Variants in PRRC2C observed in about 807,000 individuals in gnomAD.
PRRC2C encodes proline rich coiled-coil 2C, also known as protein PRRC2C.
PRRC2C carries 72 observed loss-of-function variants against 317.2 expected under a neutral mutation model. The ratio of observed to expected loss-of-function variants is 0.23; its 90% CI spans 0.19 to 0.28. The LOEUF is 0.28. Among genes scored for constraint, PRRC2C ranks in the 10% least tolerant of loss-of-function variants. PRRC2C has a pLI of 1.00. For missense variants in PRRC2C, 3,074 were observed against 3,459.7 expected (o/e 0.89, Z 2.80); for synonymous variants, 1,296 against 1,205.9 (o/e 1.07, Z -1.55).
chr1:171,541,224 T>A lies in PRRC2C; in HGVS notation c.3758T>A (p.Phe1253Tyr), dbSNP rs200029801. The A allele has an allele frequency of 7.1e-5, 114 of 1,613,296 alleles. No individual in the cohort carries two copies. Among genetic ancestry groups the A allele is most frequent in the Non-Finnish European group, 8.5e-7 (1 of 1,179,770 alleles). The change falls in exon 16 of 35, where the codon TTT (phenylalanine) becomes TAT (tyrosine). Residue 1253 changes from phenylalanine to tyrosine, a missense_variant. Phe to Tyr is a conservative substitution (Grantham distance 22, BLOSUM62 3). This residue lies in a region of PRRC2C where 1,320 missense variants were observed against 1,395.7 expected (regional missense o/e 0.95). Transcript: ENST00000647382. This position sits in a 1 kb window ranked among gnomAD's most constrained non-coding sequence, Gnocchi z 4.1. Reference sequence around the variant, plus strand: ...GAAACACGGAGTGAGAGCTCTGATTTTGAAGTTGTCCCCAAAAGAAGACGA... The same window carrying A: ...GAAACACGGAGTGAGAGCTCTGATTATGAAGTTGTCCCCAAAAGAAGACGA... The part of the protein sequence containing the change: ...ESETRSESSD[F>Y]EVVPKRRRQR...
Position 171,557,241 on chromosome 1 carries a change from T to C in PRRC2C, c.5129T>C (p.Val1710Ala). The change falls in exon 19 of 35, where the codon GTC becomes GCC. Residue 1710 changes from valine to alanine, a missense_variant and splice_region_variant. Coordinates refer to ENST00000647382, the MANE Select transcript of PRRC2C (RefSeq NM_001387844.1). ...RRKKEEQVIQ[V>A]WNKKNANEKG... ...AATGGTCCCCGTTAATTTTTTAAGG[T>C]CTGGAACAAAAAGAATGCAAATGAA... 6.5e-7 allele frequency: 1 copy of C among 1,542,786 alleles called. No individual in the cohort carries two copies. Among genetic ancestry groups the C allele is most frequent in the African/African-American group, 1.4e-5 (1 of 72,590 alleles).
At chr1:171,513,553 A>T in intron 3 of PRRC2C, 1 of 414,446 alleles carries the variant, frequency 2.4e-6, no homozygotes, top group Non-Finnish European at 4.8e-6. Context: ...CAGCATTGAA[A>T]CTGCCTGATG....
intron 10 of PRRC2C, among the ~76,000 whole-genome samples, chr1:171,526,062 T>G (rs775670532): frequency 1.6e-4 from 25 of 152,210 alleles, no homozygotes; most frequent in Non-Finnish European, 2.6e-4. Context: ...TAATGGGGAA[T>G]GAGAATTTTT....
intron 23 of PRRC2C, among the ~76,000 whole-genome samples, chr1:171,569,688 T>C (rs1372224519): frequency 1.5e-4 from 22 of 148,726 alleles, no homozygotes; most frequent in African/African-American, 5.2e-4. Context: ...GTTTAAGTGC[T>C]GTGATATCAC....
intron 1 of PRRC2C, among the ~76,000 whole-genome samples, chr1:171,494,725 T>G (rs1295949546): frequency 1.0e-5 from 1 of 98,512 alleles, no homozygotes; most frequent in Non-Finnish European, 2.3e-5. Context: ...ACTTTCGCCT[T>G]CCGTGATCTA....
chr1:171,505,335 AT>A (rs1196616659), intron 1 of PRRC2C, among the ~76,000 whole-genome samples: 3 of 151,954 alleles, frequency 2.0e-5, no homozygotes, highest in Non-Finnish European at 4.4e-5. Context: ...GCTGTATTTC[AT>A]TTTTTATTGC....
chr1:171,569,021 G>A (rs1684209692), intron 23 of PRRC2C, among the ~76,000 whole-genome samples: 2 of 152,142 alleles, frequency 1.3e-5, no homozygotes, highest in African/African-American at 2.4e-5. Flanking sequence ...CTGTCTGATA[G>A]ATGAAAAATT....
intron 11 of PRRC2C, among the ~76,000 whole-genome samples, chr1:171,528,464 GTTT>G (rs879405802): frequency 2.0e-5 from 3 of 150,562 alleles, no homozygotes; most frequent in African/African-American, 7.3e-5. Flanking sequence ...AATTTTTTGT[GTTT>G]TTTTTAGTAG....
intron 10 of PRRC2C, among the ~76,000 whole-genome samples, chr1:171,526,904 G>A (rs1381537185): frequency 2.2e-5 from 3 of 139,096 alleles, no homozygotes; most frequent in African/African-American, 8.1e-5. Flanking sequence ...TGCCTCTCAG[G>A]TTCAAGCAAT....
At chr1:171,498,495 G>A (rs555222493) in intron 1 of PRRC2C, among the ~76,000 whole-genome samples, 83 of 152,306 alleles carry the variant, frequency 5.4e-4, no homozygotes, top group African/African-American at 1.9e-3. Flanking sequence ...CCTCTTAAAA[G>A]TGTTGCATTG....
rs918009836 is a variant in PRRC2C, at chr1:171,575,181, T to C, written c.6955+53T>C. The C allele has an allele frequency of 7.6e-6, 11 of 1,446,248 alleles. No homozygotes were observed. The African/African-American group carries it at 1.3e-4, about 17-fold the overall frequency. 89.6% of individuals were successfully genotyped at this position (1,446,248 alleles called of 1,614,324 possible). A position where few individuals can be genotyped will look rare whatever the true frequency, so the allele number is the denominator to read the frequency against. On this transcript the variant is annotated intron_variant, in intron 25 of 34. Transcript: ENST00000647382. The stretch of plus-strand genomic sequence containing the variant: ...AATATCTTACATTATTTAAAATTTT[T>C]TATGATCTCTTCTTGTTTACTATCT...
chr1:171,546,441 G>T (rs779180608), intron 17 of PRRC2C, among the ~76,000 whole-genome samples: 5 of 152,132 alleles, frequency 3.3e-5, no homozygotes, highest in Admixed American at 1.3e-4. Context: ...TATAGATGAG[G>T]TTTTTCTTTC....
chr1:171,559,154 G>A (rs1480077440), intron 19 of PRRC2C, among the ~76,000 whole-genome samples: 2 of 152,220 alleles, frequency 1.3e-5, no homozygotes, highest in Non-Finnish European at 2.9e-5. Context: ...ACATTAAAGT[G>A]CAAGGCAAAG....
chr1:171,513,102 C>A lies in PRRC2C; in HGVS notation c.220C>A (p.Pro74Thr). The change falls in exon 3 of 35, where the codon CCT becomes ACT. Residue 74 changes from proline to threonine, a missense_variant. Pro to Thr is a conservative substitution (Grantham distance 38, BLOSUM62 -1). Transcript: ENST00000647382. ...TAAAGCAGAAAACAAAGGCAATGAT[C>A]CTAATGTAAACATTGTACCTAAAGA... is the stretch of plus-strand genomic sequence containing the variant. ...SLKAENKGND[P>T]NVNIVPKDGT... The A allele has an allele frequency of 6.2e-7, 1 of 1,613,676 alleles. No homozygotes were observed. The highest frequency in any genetic ancestry group is 8.5e-7 in the Non-Finnish European group (1 of 1,179,752).
At chr1:171,488,736 T>TA (rs1342814448) in intron 1 of PRRC2C, among the ~76,000 whole-genome samples, 3 of 152,330 alleles carry the variant, frequency 2.0e-5, no homozygotes, top group East Asian at 1.9e-4. Context: ...CAAGGACTGT[T>TA]ACTTAGTTTC....
Position 171,584,103 on chromosome 1 carries a change from GC to G in PRRC2C, c.7560del (p.Ile2521PhefsTer15). 6.2e-7 allele frequency: 1 copy of G among 1,613,914 alleles called. No homozygotes were observed. Among genetic ancestry groups the G allele is most frequent in the Non-Finnish European group, 8.5e-7 (1 of 1,179,860 alleles). ...LAFQQTSNTQ[P>X]IPILYEHQLG... ...CCTTTCAGCAAACATCAAATACTCA[GC>G]CCATTCCTATATTGTATGAACATCA... On this transcript the variant is annotated frameshift_variant, in exon 29 of 35. Coordinates refer to ENST00000647382, the MANE Select transcript of PRRC2C (RefSeq NM_001387844.1). LOFTEE classifies it high-confidence loss of function.
chr1:171,552,392 G>A (rs146209678), intron 18 of PRRC2C, among the ~76,000 whole-genome samples: 2,825 of 152,200 alleles, frequency 0.019, 86 homozygotes, highest in African/African-American at 0.065. Flanking sequence ...TAAATATACA[G>A]TCATGTCATC....
chr1:171,495,576 T>G (rs1667951662), intron 1 of PRRC2C, among the ~76,000 whole-genome samples: 1 of 152,348 alleles, frequency 6.6e-6, no homozygotes, highest in African/African-American at 2.4e-5. Context: ...GTATTAAGTT[T>G]ATTTAAGGAG....
At chr1:171,498,343 A>T (rs747828899) in intron 1 of PRRC2C, among the ~76,000 whole-genome samples, 1 of 152,114 alleles carries the variant, frequency 6.6e-6, no homozygotes, top group African/African-American at 2.4e-5. Flanking sequence ...GACAGGCAGG[A>T]TCTCCGCCTC....
Sources: allele counts gnomAD v4.1 joint callset (sites outside exome capture counted in the v4.1 genomes callset), GRCh38; gene constraint gnomAD v4.1.1; regional missense constraint gnomAD v4.1.1; non-coding constraint Gnocchi (gnomAD v3.1); transcripts MANE v1.5; gene names NCBI Gene and HGNC (gene_info 2026-07-23, HGNC 2026-07-21).